GABRB1: variants seen among roughly 807,000 people sequenced by gnomAD.
The protein encoded by GABRB1 is gamma-aminobutyric acid type A receptor subunit beta1.
GABRB1 carries 17 observed loss-of-function variants against 51.6 expected under a neutral mutation model. The observed-to-expected ratio is 0.33, with a 90% CI of 0.23 to 0.49. GABRB1 has a LOEUF of 0.49. Among genes scored for constraint, GABRB1 ranks in the 20% least tolerant of loss-of-function variants. The pLI is 0.99. For synonymous variants in GABRB1, 247 were observed against 218.9 expected (o/e 1.13, Z -1.14); for missense variants, 410 against 600.6 (o/e 0.68, Z 3.32).
At chr4:47,248,738 G>A (rs1365202364) in intron 4 of GABRB1, among the ~76,000 whole-genome samples, 1 of 151,874 alleles carries the variant, frequency 6.6e-6, no homozygotes, top group East Asian at 1.9e-4. Context: ...AGCTAGGATG[G>A]TTCTATTTTT....
intron 3 of GABRB1, among the ~76,000 whole-genome samples, chr4:47,057,740 G>T (rs1382980490): frequency 1.3e-5 from 2 of 152,202 alleles, no homozygotes; most frequent in Non-Finnish European, 2.9e-5. Context: ...GATGTAAGAG[G>T]AGAGTGTAAA....
chr4:47,204,417 T>C (rs1720030659), intron 4 of GABRB1, among the ~76,000 whole-genome samples: 3 of 152,140 alleles, frequency 2.0e-5, no homozygotes, highest in Non-Finnish European at 4.4e-5. Flanking sequence ...CAAAAGTAGG[T>C]TTGGGTAGTT....
chr4:47,415,194 A>G (rs1450817847), intron 8 of GABRB1, among the ~76,000 whole-genome samples: 1 of 152,178 alleles, frequency 6.6e-6, no homozygotes, highest in Non-Finnish European at 1.5e-5. Flanking sequence ...AAAGAAGTCT[A>G]CTTTACTTAA....
At chr4:47,359,289 ATTTATCATTTTTTCATCT>A (rs1726712868) in intron 5 of GABRB1, among the ~76,000 whole-genome samples, 1 of 152,114 alleles carries the variant, frequency 6.6e-6, no homozygotes, top group Non-Finnish European at 1.5e-5. Context: ...TGATGGAAAC[ATTTATCATTTTTTCATCT>A]GAAGATTTGT....
At chr4:47,335,698 T>C (rs557916419) in intron 5 of GABRB1, among the ~76,000 whole-genome samples, 11 of 152,300 alleles carry the variant, frequency 7.2e-5, no homozygotes, top group Non-Finnish European at 1.0e-4. Flanking sequence ...ATAACAAACA[T>C]TGAAAATTCT....
At chr4:47,254,871 C>T (rs1386249136) in intron 4 of GABRB1, among the ~76,000 whole-genome samples, 1 of 152,108 alleles carries the variant, frequency 6.6e-6, no homozygotes, top group Admixed American at 6.5e-5. Context: ...TTATTTGTAG[C>T]AAACTTCACA....
At chr4:47,370,832 G>A (rs757246413) in intron 5 of GABRB1, among the ~76,000 whole-genome samples, 5 of 152,108 alleles carry the variant, frequency 3.3e-5, no homozygotes, top group Non-Finnish European at 5.9e-5. Flanking sequence ...ATTAGTGGGC[G>A]GGAATGAGGT....
At chr4:47,416,656 TG>T (rs1409903198) in intron 8 of GABRB1, among the ~76,000 whole-genome samples, 1 of 152,138 alleles carries the variant, frequency 6.6e-6, no homozygotes, top group Non-Finnish European at 1.5e-5. Context: ...TTCGCCATGT[TG>T]GCCAGGCTGG....
At chr4:47,003,253 T>C (rs1246096987) in intron 1 of GABRB1, among the ~76,000 whole-genome samples, 1 of 152,220 alleles carries the variant, frequency 6.6e-6, no homozygotes, top group Non-Finnish European at 1.5e-5. Flanking sequence ...TAAGTGCAGC[T>C]CACTTGTGAA....
At chr4:46,998,187 G>A (rs1724062583) in intron 1 of GABRB1, among the ~76,000 whole-genome samples, 1 of 151,682 alleles carries the variant, frequency 6.6e-6, no homozygotes, top group African/African-American at 2.4e-5. Flanking sequence ...GCAATTATTT[G>A]AAAAAAACAA....
At chr4:47,087,243 T>G (rs1266091207) in intron 3 of GABRB1, among the ~76,000 whole-genome samples, 2 of 151,812 alleles carry the variant, frequency 1.3e-5, no homozygotes, top group East Asian at 3.9e-4. Flanking sequence ...CAGCTAGGAC[T>G]CCAGGCGTAT....
intron 3 of GABRB1, among the ~76,000 whole-genome samples, chr4:47,037,138 T>C (rs1263761629): frequency 6.6e-6 from 1 of 152,126 alleles, no homozygotes; most frequent in Non-Finnish European, 1.5e-5. Context: ...ATGAAAACAT[T>C]TCCAAGTACA....
At chr4:47,312,758 T>C (rs1724749684) in intron 4 of GABRB1, among the ~76,000 whole-genome samples, 1 of 152,228 alleles carries the variant, frequency 6.6e-6, no homozygotes, top group African/African-American at 2.4e-5. Flanking sequence ...TTCATGATTA[T>C]AGGAAAACCT....
At chr4:47,017,632 T>TCA (rs151056923) in intron 1 of GABRB1, among the ~76,000 whole-genome samples, 127 of 150,472 alleles carry the variant, frequency 8.4e-4, no homozygotes, top group East Asian at 3.1e-3. Context: ...TTTTTCACAC[T>TCA]CACACACACA....
intron 5 of GABRB1, among the ~76,000 whole-genome samples, chr4:47,363,955 T>C (rs767853243): frequency 6.6e-6 from 1 of 152,194 alleles, no homozygotes; most frequent in African/African-American, 2.4e-5. Context: ...GGACAGAGAA[T>C]ATTCTTTTAT....
chr4:47,246,361 T>C (rs1429007176), intron 4 of GABRB1, among the ~76,000 whole-genome samples: 38 of 30,344 alleles, frequency 1.3e-3, no homozygotes, highest in African/African-American at 2.8e-3. Context: ...TATATATATA[T>C]ATATATATAT....
intron 3 of GABRB1, among the ~76,000 whole-genome samples, chr4:47,119,510 C>CTT (rs71195603): frequency 1.8e-3 from 245 of 139,200 alleles, no homozygotes; most frequent in African/African-American, 5.7e-3. Flanking sequence ...CTTTTTCTTT[C>CTT]TTTTTTTTTT....
chr4:47,134,162 T>G (rs966050637), intron 3 of GABRB1, among the ~76,000 whole-genome samples: 1 of 152,184 alleles, frequency 6.6e-6, no homozygotes, highest in Non-Finnish European at 1.5e-5. Flanking sequence ...TTTAGGATAT[T>G]GCTACCAAAA....
chr4:47,111,889 T>G (rs575588368), intron 3 of GABRB1, among the ~76,000 whole-genome samples: 3 of 152,234 alleles, frequency 2.0e-5, no homozygotes, highest in African/African-American at 7.2e-5. Context: ...ATAATTTTCT[T>G]ATGTTTAATT....
Sources: gnomAD v4.1 joint callset for allele counts (sites outside exome capture counted in the v4.1 genomes callset) on GRCh38, gnomAD v4.1.1 for gene constraint, MANE v1.5 for transcripts, NCBI Gene and HGNC (gene_info 2026-07-23, HGNC 2026-07-21) for gene names.